KCNB2: variants seen among roughly 807,000 people sequenced by gnomAD.
The protein encoded by KCNB2 is potassium voltage-gated channel subfamily B member 2.
In KCNB2, 15 loss-of-function variants were observed where a neutral mutation model predicts 61.5. The observed-to-expected ratio is 0.24, with a 90% CI of 0.16 to 0.38. KCNB2 has a LOEUF of 0.38. Ranked by LOEUF, KCNB2 falls within the 10% of genes least tolerant of loss-of-function variation. KCNB2 has a pLI of 1.00. For missense variants in KCNB2, 828 were observed against 1,125.2 expected, an observed-to-expected ratio of 0.74 and a Z score of 3.78; for synonymous variants, 457 against 446.0, an observed-to-expected ratio of 1.02 and a Z score of -0.31.
chr8:72,667,592 C>T (rs550757899), intron 2 of KCNB2, among the ~76,000 whole-genome samples: 1 of 152,204 alleles, frequency 6.6e-6, no homozygotes, highest in Non-Finnish European at 1.5e-5. Context: ...TGAAATACAG[C>T]CCACTACCAA....
chr8:72,640,566 CACTT>C (rs371941472), intron 2 of KCNB2, among the ~76,000 whole-genome samples: 18 of 152,158 alleles, frequency 1.2e-4, no homozygotes, highest in African/African-American at 3.1e-4. Context: ...CTGCTGGAAA[CACTT>C]ACGCTGAGGA....
intron 2 of KCNB2, among the ~76,000 whole-genome samples, chr8:72,773,127 A>G (rs1808588203): frequency 6.6e-6 from 1 of 152,172 alleles, no homozygotes; most frequent in Non-Finnish European, 1.5e-5. Flanking sequence ...AGATCTTAAC[A>G]GCATTAGCAT....
chr8:72,904,144 C>G (rs985117587), intron 2 of KCNB2, among the ~76,000 whole-genome samples: 1 of 152,022 alleles, frequency 6.6e-6, no homozygotes, highest in Non-Finnish European at 1.5e-5. Context: ...AAATGCCTTA[C>G]TCTTGTATAT....
intron 2 of KCNB2, among the ~76,000 whole-genome samples, chr8:72,842,488 G>A (rs1490715970): frequency 6.6e-6 from 1 of 152,086 alleles, no homozygotes; most frequent in Non-Finnish European, 1.5e-5. Flanking sequence ...TCTATTGTTT[G>A]GAATAGTTTC....
At position 72,600,359 on chromosome 8, in the gene KCNB2, T is replaced by C. The variant is rs529812998; in HGVS notation, c.579+32046T>C. On this transcript the variant is annotated intron_variant, in intron 2 of 2. Transcript: ENST00000523207. ...ATCACAAGGACAAAAAAACAAACAC[T>C]GCATGTTCTCACTCATAGGTGGGAA... 1.2e-3 allele frequency among the ~76,000 whole-genome samples: 176 copies of C among 151,374 alleles called. 7 individuals are homozygous for C. In the East Asian group the frequency reaches 0.032, roughly 27 times the overall value.
chr8:72,840,597 A>G (rs1036986773), intron 2 of KCNB2, among the ~76,000 whole-genome samples: 1 of 152,192 alleles, frequency 6.6e-6, no homozygotes, highest in African/African-American at 2.4e-5. Flanking sequence ...AATGATCGCC[A>G]TTCTAACTGG....
intron 2 of KCNB2, among the ~76,000 whole-genome samples, chr8:72,845,956 T>A (rs1809983581): frequency 6.6e-6 from 1 of 150,470 alleles, no homozygotes; most frequent in Non-Finnish European, 1.5e-5. Context: ...AACAGTTCTG[T>A]CTTTCTGGCA....
At chr8:72,700,801 A>G (rs966223054) in intron 2 of KCNB2, among the ~76,000 whole-genome samples, 1 of 152,190 alleles carries the variant, frequency 6.6e-6, no homozygotes, top group Admixed American at 6.5e-5. Flanking sequence ...TCATTGTAAC[A>G]CTGTTTACTA....
At chr8:72,585,163 G>T (rs1432824427) in intron 2 of KCNB2, among the ~76,000 whole-genome samples, 3 of 152,038 alleles carry the variant, frequency 2.0e-5, no homozygotes, top group East Asian at 1.9e-4. Context: ...CTAAATAAGG[G>T]GTTTTTTTTT....
rs185332477 is a variant in KCNB2 at position 72,546,213 on chromosome 8, G to A, written c.-94+8328G>A. Among the ~76,000 whole-genome samples the A allele has an allele frequency of 3.9e-5, 6 of 152,142 alleles. 1 individual carries two copies. The highest frequency in any genetic ancestry group is 2.6e-4 in the Admixed American group (4 of 15,274). ...GTTTAAAAAAAAATAAGCCATCTCC[G>A]TGATACAAAAGTGCAAGGTGGGCCG... On this transcript the variant is annotated intron_variant, in intron 1 of 2. Transcript: ENST00000523207.
intron 2 of KCNB2, among the ~76,000 whole-genome samples, chr8:72,568,920 A>ATT (rs534238596): frequency 6.8e-6 from 1 of 146,204 alleles, no homozygotes; most frequent in Non-Finnish European, 1.5e-5. Flanking sequence ...CTGACTGTTA[A>ATT]TTTTTTTTTT....
chr8:72,808,290 T>A (rs1335606203), intron 2 of KCNB2, among the ~76,000 whole-genome samples: 1 of 152,188 alleles, frequency 6.6e-6, no homozygotes, highest in African/African-American at 2.4e-5. Flanking sequence ...TAAATATATA[T>A]AATAATCTCA....
intron 2 of KCNB2, among the ~76,000 whole-genome samples, chr8:72,774,294 T>C (rs1808611036): frequency 6.6e-6 from 1 of 152,222 alleles, no homozygotes; most frequent in Non-Finnish European, 1.5e-5. Context: ...GGAGAATATT[T>C]CTACAGTTTT....
chr8:72,890,357 G>A (rs1805877416), intron 2 of KCNB2, among the ~76,000 whole-genome samples: 2 of 152,210 alleles, frequency 1.3e-5, no homozygotes, highest in African/African-American at 2.4e-5. Flanking sequence ...GAACTCTGCT[G>A]CTTTGCAGAC....
intron 2 of KCNB2, among the ~76,000 whole-genome samples, chr8:72,595,428 C>T (rs1255911614): frequency 1.3e-5 from 2 of 150,900 alleles, no homozygotes; most frequent in Admixed American, 6.6e-5. Flanking sequence ...CAGGTTTAAG[C>T]GATTCTTCTG....
At chr8:72,908,034 T>C (rs1357596651) in intron 2 of KCNB2, among the ~76,000 whole-genome samples, 1 of 152,176 alleles carries the variant, frequency 6.6e-6, no homozygotes, top group Non-Finnish European at 1.5e-5. Flanking sequence ...TTGAATCATA[T>C]TGTATGCATA....
chr8:72,710,921 C>G (rs951240084), intron 2 of KCNB2, among the ~76,000 whole-genome samples: 2 of 152,188 alleles, frequency 1.3e-5, no homozygotes, highest in African/African-American at 4.8e-5. Context: ...CCTCTTTATT[C>G]GTTCATCAAT....
chr8:72,593,953 A>G (rs942168742), intron 2 of KCNB2, among the ~76,000 whole-genome samples: 2 of 152,212 alleles, frequency 1.3e-5, no homozygotes, highest in African/African-American at 4.8e-5. Flanking sequence ...ATGTCAGTTA[A>G]TACAAACTTT....
chr8:72,567,308 C>A (rs1300490831), intron 1 of KCNB2, among the ~76,000 whole-genome samples: 1 of 151,788 alleles, frequency 6.6e-6, no homozygotes, highest in African/African-American at 2.4e-5. Flanking sequence ...AGAGACCTGT[C>A]TCAAAAAAAA....
Sources: allele counts gnomAD v4.1 joint callset (sites outside exome capture counted in the v4.1 genomes callset), GRCh38; gene constraint gnomAD v4.1.1; transcripts MANE v1.5; gene names NCBI Gene and HGNC (gene_info 2026-07-23, HGNC 2026-07-21).